The following SNUPN variants were observed in gnomAD, a reference collection of about 807,000 sequenced individuals.
SNUPN encodes the protein snurportin 1.
Under a neutral mutation model 39.2 loss-of-function variants are expected in SNUPN, and 31 were observed. That is an observed-to-expected ratio of 0.79 (90% CI 0.59 to 1.07). SNUPN has a LOEUF of 1.07. SNUPN is among the 50% of genes least tolerant of loss of function. The pLI, the probability that SNUPN is intolerant of heterozygous loss-of-function variation, is 0.00. For synonymous variants in SNUPN, 132 were observed against 159.0 expected, an observed-to-expected ratio of 0.83 and a Z score of 1.28; for missense variants, 382 against 434.2, an observed-to-expected ratio of 0.88 and a Z score of 1.07.
At chr15:75,611,458 T>C (rs1039157167) in intron 3 of SNUPN, among the ~76,000 whole-genome samples, 12 of 151,556 alleles carry the variant, frequency 7.9e-5, no homozygotes, top group African/African-American at 1.2e-4. Flanking sequence ...TTCACCGTGT[T>C]AGCCAGGATG....
At position 75,605,912 on chromosome 15, in the gene SNUPN, A is replaced by C. The variant is rs186256712; in HGVS notation, c.601-685T>G. 2.6e-5 allele frequency among the ~76,000 whole-genome samples: 4 copies of C among 152,310 alleles called. No homozygotes were observed. In the South Asian group the frequency reaches 8.3e-4, roughly 32 times the overall value. On this transcript the variant is annotated intron_variant, in intron 6 of 8. Transcript: ENST00000308588. Reference sequence around the variant, plus strand: ...TTCATGCCCAGCACTTCGGTAGGCCAAAGTGGGTGGATCACTTGAGGTCAG... The same window carrying C: ...TTCATGCCCAGCACTTCGGTAGGCCCAAGTGGGTGGATCACTTGAGGTCAG...
At chr15:75,608,817 C>T (rs1246125656) in intron 5 of SNUPN, among the ~76,000 whole-genome samples, 1 of 152,060 alleles carries the variant, frequency 6.6e-6, no homozygotes, top group Non-Finnish European at 1.5e-5. Context: ...GTCCAGGGGC[C>T]AGGATGGTGT....
intron 1 of SNUPN, among the ~76,000 whole-genome samples, chr15:75,621,558 G>A (rs960569295): frequency 6.6e-5 from 10 of 151,978 alleles, no homozygotes; most frequent in African/African-American, 1.9e-4. Context: ...CACTGCGCCC[G>A]GCCTTTTCTG....
At chr15:75,620,657 A>G (rs1893044650) in intron 2 of SNUPN, among the ~76,000 whole-genome samples, 1 of 152,160 alleles carries the variant, frequency 6.6e-6, no homozygotes, top group Non-Finnish European at 1.5e-5. Context: ...TAACCAAATA[A>G]TTGAGCTTTT....
At chr15:75,611,051 C>T (rs1272620132) in intron 3 of SNUPN, among the ~76,000 whole-genome samples, 1 of 151,820 alleles carries the variant, frequency 6.6e-6, no homozygotes, top group Admixed American at 6.6e-5. Context: ...ACCTATAATC[C>T]CAGCTACTCA....
At chr15:75,622,003 T>G (rs557275255) in intron 1 of SNUPN, among the ~76,000 whole-genome samples, 1 of 152,042 alleles carries the variant, frequency 6.6e-6, no homozygotes, top group Admixed American at 6.6e-5. Context: ...GCCACTGCAC[T>G]CCAGCCTGGG....
At chr15:75,622,077 G>A (rs746004371) in intron 1 of SNUPN, among the ~76,000 whole-genome samples, 3 of 147,602 alleles carry the variant, frequency 2.0e-5, no homozygotes, top group South Asian at 2.2e-4. Flanking sequence ...AAACTCTAGC[G>A]ACCTGGGATT....
chr15:75,609,558 CT>C lies in SNUPN; in HGVS notation c.501del (p.Asp168ThrfsTer5). ...ATAAGTAGACACTCTATGTAGGTAC[CT>C]TTTGCTGTTGAGTTTCGCCTGTTGC... ...PGGNRRNSTA[K>X]DYTILDCIYN... On this transcript the variant is annotated frameshift_variant and splice_region_variant, in exon 5 of 9. Transcript: ENST00000308588. LOFTEE classifies it high-confidence loss of function. 1 of 1,611,422 alleles carries C rather than the reference CT, an allele frequency of 6.2e-7. No homozygotes were observed. The highest frequency in any genetic ancestry group is 8.5e-7 in the Non-Finnish European group (1 of 1,177,512).
intron 7 of SNUPN, among the ~76,000 whole-genome samples, chr15:75,604,576 A>G (rs2075316700): frequency 6.6e-6 from 1 of 152,212 alleles, no homozygotes; most frequent in Non-Finnish European, 1.5e-5. Flanking sequence ...TTGAGTGCCT[A>G]CCATGAGTAT....
At chr15:75,610,040 C>T in intron 3 of SNUPN, 46 bp from the exon 4 acceptor site, 1 of 1,413,284 alleles carries the variant, frequency 7.1e-7, no homozygotes, top group Non-Finnish European at 1.0e-6. Flanking sequence ...GGGTGTGCTA[C>T]TCGAAAGTCT....
At chr15:75,624,585 ATGGCT>A (rs1252373435) in intron 1 of SNUPN, 1 of 270,310 alleles carries the variant, frequency 3.7e-6, no homozygotes, top group Non-Finnish European at 5.7e-6. Flanking sequence ...AGGCAGGAGA[ATGGCT>A]TGAACCCGTA....
At chr15:75,610,559 C>T (rs1892753802) in intron 3 of SNUPN, among the ~76,000 whole-genome samples, 1 of 152,228 alleles carries the variant, frequency 6.6e-6, no homozygotes, top group South Asian at 2.1e-4. Context: ...CCACCTGCAA[C>T]CACACCATGC....
chr15:75,601,992 C>G (rs2075291412), intron 7 of SNUPN, among the ~76,000 whole-genome samples: 1 of 152,152 alleles, frequency 6.6e-6, no homozygotes, highest in South Asian at 2.1e-4. Context: ...ATTCTCCCAC[C>G]TCAGTTTCCC....
intron 5 of SNUPN, among the ~76,000 whole-genome samples, chr15:75,609,110 G>A (rs1386970975): frequency 7.1e-6 from 1 of 140,908 alleles, no homozygotes; most frequent in African/African-American, 2.6e-5. Context: ...CAGCTTGGGT[G>A]ACAAAGTGAG....
Position 75,621,034 on chromosome 15 carries a change from C to G in SNUPN, c.18G>C (p.Gln6His), listed in dbSNP as rs1893056071. The G allele has an allele frequency of 1.2e-6, 2 of 1,613,502 alleles. No homozygotes were observed. Among genetic ancestry groups the G allele is most frequent in the East Asian group, 4.5e-5 (2 of 44,892 alleles). ...ACACAGAAAAGCTACTAGCCAGGGC[C>G]TGACTCAACTCTTCCATCTTCCCTA... Reference protein sequence around the residue: MEELSQALASSFSVSQ... With the variant: MEELSHALASSFSVSQ... Residue 6 changes from glutamine (Q) to histidine (H), a missense_variant, in exon 2 of 9, where the codon CAG (glutamine) becomes CAC (histidine). Coordinates refer to ENST00000308588, the MANE Select transcript of SNUPN (RefSeq NM_005701.4).
At chr15:75,606,444 C>T (rs779394020) in intron 6 of SNUPN, among the ~76,000 whole-genome samples, 1 of 151,958 alleles carries the variant, frequency 6.6e-6, no homozygotes, top group Non-Finnish European at 1.5e-5. Flanking sequence ...CTGGAGACTA[C>T]ACACCGAGAA....
intron 1 of SNUPN, chr15:75,622,556 T>C: frequency 1.1e-6 from 1 of 896,866 alleles, no homozygotes; most frequent in Non-Finnish European, 1.3e-6. Context: ...AGCCTTAGAT[T>C]ATAAGAAAAC....
chr15:75,604,015 T>C (rs955679494), intron 7 of SNUPN, among the ~76,000 whole-genome samples: 2 of 152,126 alleles, frequency 1.3e-5, no homozygotes, highest in Admixed American at 6.6e-5. Flanking sequence ...ATAATATACA[T>C]AGAGCACTTA....
At chr15:75,604,791 A>T (rs1025236250) in intron 7 of SNUPN, among the ~76,000 whole-genome samples, 2 of 145,960 alleles carry the variant, frequency 1.4e-5, no homozygotes, top group Non-Finnish European at 3.1e-5. Context: ...GGTTACATGA[A>T]TAAGTTCTTT....
Sources: allele counts gnomAD v4.1 joint callset (sites outside exome capture counted in the v4.1 genomes callset), GRCh38; gene constraint gnomAD v4.1.1; transcripts MANE v1.5; gene names NCBI Gene and HGNC (gene_info 2026-07-23, HGNC 2026-07-21).